The following RALYL variants were observed in gnomAD, a reference collection of about 807,000 sequenced individuals.
RALYL encodes the protein RNA-binding Raly-like protein.
In RALYL, 29 loss-of-function variants were observed where a neutral mutation model predicts 35.1. The observed-to-expected ratio is 0.83, with a 90% CI of 0.61 to 1.13. RALYL has a LOEUF of 1.13. Ranked by LOEUF, RALYL falls within the 50% of genes most tolerant of loss-of-function variation. RALYL has a pLI of 0.00. For missense variants in RALYL, 359 were observed against 360.4 expected, an observed-to-expected ratio of 1.00 and a Z score of 0.03; for synonymous variants, 120 against 127.6, an observed-to-expected ratio of 0.94 and a Z score of 0.40.
intron 2 of RALYL, among the ~76,000 whole-genome samples, chr8:84,540,731 A>G (rs1269697628): frequency 9.2e-5 from 14 of 152,052 alleles, no homozygotes; most frequent in Admixed American, 9.2e-4. Context: ...AAGAATCTGC[A>G]TGTGATTGGT....
At chr8:84,683,908 A>G (rs761942711) in intron 2 of RALYL, among the ~76,000 whole-genome samples, 2 of 151,854 alleles carry the variant, frequency 1.3e-5, no homozygotes, top group Non-Finnish European at 1.5e-5. Context: ...CTGATCTCGA[A>G]CTCCCGATCA....
intron 1 of RALYL, among the ~76,000 whole-genome samples, chr8:84,202,174 A>G (rs1816994611): frequency 6.6e-6 from 1 of 151,156 alleles, no homozygotes; most frequent in African/African-American, 2.4e-5. Flanking sequence ...TTTATTTTAT[A>G]TGAATTTATA....
At chr8:84,463,713 G>A (rs2051106570) in intron 1 of RALYL, among the ~76,000 whole-genome samples, 2 of 151,966 alleles carry the variant, frequency 1.3e-5, no homozygotes, top group Admixed American at 1.3e-4. Flanking sequence ...TGTTTTGAGA[G>A]ATTAACATTG....
At chr8:84,848,684 G>C (rs937148668) in intron 4 of RALYL, among the ~76,000 whole-genome samples, 1 of 152,094 alleles carries the variant, frequency 6.6e-6, no homozygotes, top group East Asian at 1.9e-4. Flanking sequence ...TTCTGTTTAG[G>C]TTGATGATAA....
At chr8:84,552,023 CAG>C (rs1294063936) in intron 2 of RALYL, among the ~76,000 whole-genome samples, 1 of 150,484 alleles carries the variant, frequency 6.6e-6, no homozygotes. Context: ...CATACACATA[CAG>C]AGAGAGAGAG....
In RALYL at chr8:84,367,334, T is replaced by G. The variant is rs1398609259; in HGVS notation, c.-23-161965T>G. 1.3e-3 allele frequency among the ~76,000 whole-genome samples: 51 copies of G among 40,620 alleles called. 1 individual carries two copies. Among genetic ancestry groups the G allele is most frequent in the African/African-American group, 4.4e-3 (26 of 5,950 alleles). The allele number at this position is 40,620 out of a possible 152,430, so 26.6% of individuals were successfully genotyped here. ...AATTTTTGTATTTTTTTTTTTTTTT[T>G]TTTTTTTTTTTTTTTTTTTTTTTTT... is the stretch of plus-strand genomic sequence containing the variant. On this transcript the variant is annotated intron_variant, in intron 1 of 8. Transcript: ENST00000521268.
rs1452081056 is a variant in RALYL at position 84,532,333 on chromosome 8, C to G, written c.256+2756C>G. Among the ~76,000 whole-genome samples the G allele has an allele frequency of 2.6e-5, 4 of 152,098 alleles. No homozygotes were observed. In the East Asian group the frequency reaches 7.7e-4, roughly 29 times the overall value. ...CATCCATCAGGTCCCGAAGAAGACC[C>G]TCAGTTTGTAGGATGTATATACATT... On this transcript the variant is annotated intron_variant, in intron 2 of 8. Coordinates refer to ENST00000521268, the MANE Select transcript of RALYL (RefSeq NM_173848.7).
In RALYL at chr8:84,297,934, GC is replaced by G. The variant is rs201058096; in HGVS notation, c.-24+113513del. ...TTAAGTTCCTTATAGACTCTTGATA[GC>G]CCTTTGTCAGATGCCTAGTTTGCAA... On this transcript the variant is annotated intron_variant, in intron 1 of 8. Transcript: ENST00000521268. Among the ~76,000 whole-genome samples the G allele has an allele frequency of 1.1e-4, 17 of 152,074 alleles. No homozygotes were observed. The East Asian group carries it at 3.3e-3, about 29-fold the overall frequency.
chr8:84,427,203 A>G (rs1487162738), intron 1 of RALYL, among the ~76,000 whole-genome samples: 1 of 152,254 alleles, frequency 6.6e-6, no homozygotes, highest in African/African-American at 2.4e-5. Flanking sequence ...GTGCCTTGCC[A>G]CAATGGCATG....
intron 1 of RALYL, among the ~76,000 whole-genome samples, chr8:84,508,580 G>T (rs1159603319): frequency 6.6e-6 from 1 of 152,058 alleles, no homozygotes; most frequent in Admixed American, 6.6e-5. Context: ...AGGATCTGTA[G>T]TGTGGCATAT....
intron 7 of RALYL, among the ~76,000 whole-genome samples, chr8:84,881,908 G>T (rs180902928): frequency 2.0e-4 from 31 of 151,974 alleles, no homozygotes; most frequent in Non-Finnish European, 3.7e-4. Context: ...AACAGCCAAG[G>T]TTATAAGATC....
intron 1 of RALYL, among the ~76,000 whole-genome samples, chr8:84,438,321 AT>A (rs2047957675): frequency 1.3e-5 from 2 of 152,034 alleles, no homozygotes; most frequent in African/African-American, 4.8e-5. Flanking sequence ...GTATCCATAA[AT>A]TACTTCCCAA....
chr8:84,217,040 A>G (rs1298243169), intron 1 of RALYL, among the ~76,000 whole-genome samples: 4 of 152,152 alleles, frequency 2.6e-5, no homozygotes, highest in Non-Finnish European at 5.9e-5. Context: ...ACAAAGGGTT[A>G]TAATAGGTTA....
At chr8:84,835,973 G>A (rs1195143222) in intron 4 of RALYL, among the ~76,000 whole-genome samples, 2 of 152,142 alleles carry the variant, frequency 1.3e-5, no homozygotes, top group African/African-American at 4.8e-5. Flanking sequence ...ATTTTGGAGA[G>A]TGCTGAATGT....
At position 84,822,716 on chromosome 8, in the gene RALYL, T is replaced by G. The variant is rs114099871; in HGVS notation, c.365+17914T>G. Among the ~76,000 whole-genome samples, 146 of 152,298 alleles carry G rather than the reference T, an allele frequency of 9.6e-4. 1 individual carries two copies. Among genetic ancestry groups the G allele is most frequent in the African/African-American group, 3.2e-3 (132 of 41,584 alleles). On this transcript the variant is annotated intron_variant, in intron 4 of 8. Coordinates refer to ENST00000521268, the MANE Select transcript of RALYL (RefSeq NM_173848.7). ...AGAGTAGTATCAAAATCATTTAGAC[T>G]TAACTAACAATATGTCTTCAAAAAT... is the stretch of plus-strand genomic sequence containing the variant.
intron 1 of RALYL, among the ~76,000 whole-genome samples, chr8:84,324,363 C>A (rs544434591): frequency 1.3e-5 from 2 of 151,912 alleles, no homozygotes; most frequent in African/African-American, 2.4e-5. Flanking sequence ...ACAAAATGAA[C>A]TTTGAGTGGT....
intron 1 of RALYL, among the ~76,000 whole-genome samples, chr8:84,285,855 G>A (rs1288681607): frequency 6.6e-6 from 1 of 152,198 alleles, no homozygotes; most frequent in Admixed American, 6.5e-5. Flanking sequence ...TACTAAGTGA[G>A]AGTGGAAGTC....
At chr8:84,715,575 A>C (rs1021200599) in intron 2 of RALYL, among the ~76,000 whole-genome samples, 1 of 152,036 alleles carries the variant, frequency 6.6e-6, no homozygotes, top group African/African-American at 2.4e-5. Context: ...ATATAGGCAA[A>C]CAAAATATCT....
intron 2 of RALYL, among the ~76,000 whole-genome samples, chr8:84,688,584 T>A (rs529319566): frequency 6.6e-6 from 1 of 152,042 alleles, no homozygotes; most frequent in Non-Finnish European, 1.5e-5. Flanking sequence ...TCAAAATTGA[T>A]TAAAGATTTA....
Sources: gnomAD v4.1 joint callset for allele counts (sites outside exome capture counted in the v4.1 genomes callset) on GRCh38, gnomAD v4.1.1 for gene constraint, MANE v1.5 for transcripts, NCBI Gene and HGNC (gene_info 2026-07-23, HGNC 2026-07-21) for gene names.